The following ATG16L2 variants were observed in gnomAD, a reference collection of about 807,000 sequenced individuals.
The protein encoded by ATG16L2 is protein Atg16l2.
In ATG16L2, 77 loss-of-function variants were observed where a neutral mutation model predicts 84.7. That is an observed-to-expected ratio of 0.91 (90% CI 0.76 to 1.10). ATG16L2 has a LOEUF of 1.10. Among genes scored for constraint, ATG16L2 ranks in the 50% least tolerant of loss-of-function variants. The probability of loss-of-function intolerance (pLI) is 0.00; values close to 1 mark genes in which losing one functional copy is unlikely to be tolerated. For missense variants in ATG16L2, 782 were observed against 817.6 expected (o/e 0.96, Z 0.53); for synonymous variants, 361 against 342.8 (o/e 1.05, Z -0.59).
downstream of ATG16L2, among the ~76,000 whole-genome samples, chr11:72,834,373 A>G (rs984474420): frequency 6.6e-6 from 1 of 152,190 alleles, no homozygotes; most frequent in East Asian, 1.9e-4. Flanking sequence ...GTTGCAATCT[A>G]GAGGATAAAG....
downstream of ATG16L2, among the ~76,000 whole-genome samples, chr11:72,829,978 T>C (rs1860570504): frequency 6.6e-6 from 1 of 151,692 alleles, no homozygotes; most frequent in Non-Finnish European, 1.5e-5. Context: ...CCCAGAGGGG[T>C]CCCGGTGGGA....
chr11:72,818,150 C>G (rs1401199208), intron 3 of ATG16L2: 3 of 369,370 alleles, frequency 8.1e-6, no homozygotes, highest in Non-Finnish European at 1.5e-5. Flanking sequence ...CATGGCTCAC[C>G]CCTCGCCCAG....
rs116243770 is a variant in ATG16L2 at position 72,826,422 on chromosome 11, C to T, written c.1174-96C>T. Reference sequence around the variant, plus strand: ...CTTTGCCTGCCTTGGTGACCTGGGCCGTGGGAAACTGTGAGGCAGCCCCTA... The same window carrying T: ...CTTTGCCTGCCTTGGTGACCTGGGCTGTGGGAAACTGTGAGGCAGCCCCTA... On this transcript the variant is annotated intron_variant, in intron 11 of 17. Coordinates refer to ENST00000321297, the MANE Select transcript of ATG16L2 (RefSeq NM_033388.2). 1.6e-3 allele frequency: 2,472 copies of T among 1,522,818 alleles called. 29 individuals carry two copies. In the African/African-American group the frequency reaches 0.028, roughly 18 times the overall value. The allele number at this position is 1,522,818 out of a possible 1,614,324, so 94.3% of individuals were successfully genotyped here. A position where few individuals can be genotyped will look rare whatever the true frequency, so the allele number is the denominator to read the frequency against.
chr11:72,832,762 A>C (rs1421484109), downstream of ATG16L2, among the ~76,000 whole-genome samples: 2 of 152,088 alleles, frequency 1.3e-5, no homozygotes, highest in African/African-American at 4.8e-5. Flanking sequence ...AAGAACCCAG[A>C]CCTCTGATTC....
chr11:72,820,986 G>A (rs886165783), intron 3 of ATG16L2, among the ~76,000 whole-genome samples: 1 of 152,174 alleles, frequency 6.6e-6, no homozygotes, highest in Non-Finnish European at 1.5e-5. Flanking sequence ...GTGCCTCTGC[G>A]CAGGGCCTCT....
At chr11:72,842,489 G>T in intron 5 of ATG16L2, 1 of 1,045,772 alleles carries the variant, frequency 9.6e-7, no homozygotes, top group Non-Finnish European at 1.4e-6. Context: ...ATGCAGTTGT[G>T]CAGACACTGG....
chr11:72,825,672 G>A (rs921064367), intron 10 of ATG16L2, among the ~76,000 whole-genome samples: 1 of 152,122 alleles, frequency 6.6e-6, no homozygotes, highest in South Asian at 2.1e-4. Context: ...ATTGGTGGGG[G>A]TCCCCTATCA....
chr11:72,841,616 T>C, intron 5 of ATG16L2: 1 of 1,560,898 alleles, frequency 6.4e-7, no homozygotes, highest in Non-Finnish European at 8.7e-7. Flanking sequence ...TACCCGGTGC[T>C]CCCCTCCAGG....
downstream of ATG16L2, among the ~76,000 whole-genome samples, chr11:72,833,474 T>G (rs1860649899): frequency 6.6e-6 from 1 of 152,156 alleles, no homozygotes; most frequent in Non-Finnish European, 1.5e-5. Flanking sequence ...ACAGCTAATC[T>G]GAGGTGGCCT....
chr11:72,842,317 G>A (rs1425205701), intron 5 of ATG16L2, among the ~76,000 whole-genome samples: 1 of 152,182 alleles, frequency 6.6e-6, no homozygotes, highest in East Asian at 1.9e-4. Context: ...TTCCCTCTTC[G>A]GTTTGTTTCT....
chr11:72,823,044 G>A, intron 7 of ATG16L2, 83 bp downstream of exon 7: 1 of 987,764 alleles, frequency 1.0e-6, no homozygotes, highest in Non-Finnish European at 1.5e-6. Context: ...GGACCTTGGA[G>A]CCAGCTCTTG....
At chr11:72,829,138 C>T (rs374287118) in intron 17 of ATG16L2, among the ~76,000 whole-genome samples, 154 bp downstream of exon 17, 13 of 152,342 alleles carry the variant, frequency 8.5e-5, no homozygotes, top group East Asian at 1.9e-4. Flanking sequence ...ACTTTCCACA[C>T]GCACTTGGTT....
intron 11 of ATG16L2, 125 bp from the exon 12 acceptor site, chr11:72,826,393 G>A: frequency 6.9e-7 from 1 of 1,447,660 alleles, no homozygotes; most frequent in Middle Eastern, 2.3e-4. Flanking sequence ...TGGGCCGGAG[G>A]CTCCTTTGCC....
intron 7 of ATG16L2, chr11:72,823,752 T>C (rs749096417): frequency 5.9e-5 from 30 of 511,722 alleles, no homozygotes; most frequent in Non-Finnish European, 1.1e-4. Flanking sequence ...CTTCAGCGTC[T>C]CTCCTCCCTG....
At chr11:72,818,781 G>A (rs1052320981) in intron 3 of ATG16L2, 2 of 152,168 alleles carry the variant, frequency 1.3e-5, no homozygotes, top group Admixed American at 6.5e-5. Context: ...TACGGGGAGT[G>A]CAACAATAAA....
chr11:72,828,061 C>T (rs1449501148), intron 14 of ATG16L2, among the ~76,000 whole-genome samples: 1 of 152,216 alleles, frequency 6.6e-6, no homozygotes, highest in Non-Finnish European at 1.5e-5. Context: ...CCTTCTCTCT[C>T]TCATATTTTT....
At chr11:72,837,191 C>CA (rs1213573408) in intron 5 of ATG16L2, 2 of 151,948 alleles carry the variant, frequency 1.3e-5, no homozygotes, top group Non-Finnish European at 2.9e-5. Context: ...TTGATAAACA[C>CA]AAAAGACCTC....
At chr11:72,830,919 C>T (rs144900518), downstream of ATG16L2, among the ~76,000 whole-genome samples, 20 of 152,340 alleles carry the variant, frequency 1.3e-4, no homozygotes, top group Middle Eastern at 6.8e-3. Context: ...TGCATGCCAC[C>T]GTGCCTGGCT....
chr11:72,836,823 T>A (rs557046230), intron 5 of ATG16L2: 1 of 152,738 alleles, frequency 6.5e-6, no homozygotes, highest in South Asian at 2.1e-4. Context: ...AGAAAGCACA[T>A]CTGCACAGAG....
Sources: gnomAD v4.1 joint callset for allele counts (sites outside exome capture counted in the v4.1 genomes callset) on GRCh38, gnomAD v4.1.1 for gene constraint, MANE v1.5 for transcripts, NCBI Gene and HGNC (gene_info 2026-07-23, HGNC 2026-07-21) for gene names.